Variants in ZMYM6 observed in about 807,000 individuals in gnomAD.
The protein encoded by ZMYM6 is zinc finger MYM-type protein 6.
Under a neutral mutation model 134.0 loss-of-function variants are expected in ZMYM6, and 90 were observed. That is an observed-to-expected ratio of 0.67 (90% CI 0.57 to 0.80). The LOEUF (loss-of-function observed/expected upper bound fraction) is 0.80. ZMYM6 is among the 30% of genes least tolerant of loss of function. The probability of loss-of-function intolerance (pLI) is 0.00; values close to 1 mark genes in which losing one functional copy is unlikely to be tolerated. For missense variants in ZMYM6, 1,362 were observed against 1,533.9 expected, an observed-to-expected ratio of 0.89 and a Z score of 1.87; for synonymous variants, 481 against 524.1, an observed-to-expected ratio of 0.92 and a Z score of 1.12.
Position 35,031,896 on chromosome 1 carries a change from C to T in ZMYM6, c.-156G>A, listed in dbSNP as rs1641535189. On this transcript the variant is annotated 5_prime_UTR_variant, in exon 1 of 16. Transcript: ENST00000357182. Reference sequence around the variant, plus strand: ...ATCTAGACAGGGATTATTTTCTCTTCTGGAATTCCGCCTGATCCATCCCAA... The same window carrying T: ...ATCTAGACAGGGATTATTTTCTCTTTTGGAATTCCGCCTGATCCATCCCAA... The T allele has an allele frequency of 6.6e-6, 1 of 152,348 alleles. No individual in the cohort carries two copies. Among genetic ancestry groups the T allele is most frequent in the East Asian group, 1.9e-4 (1 of 5,204 alleles). The allele number at this position is 152,348 out of a possible 1,614,324, so 9.4% of individuals were successfully genotyped here. A position where few individuals can be genotyped will look rare whatever the true frequency, so the allele number is the denominator to read the frequency against.
At chr1:35,030,758 T>A (rs1641506084) in intron 1 of ZMYM6, 45 bp from the exon 2 acceptor site, 1 of 1,040,470 alleles carries the variant, frequency 9.6e-7, no homozygotes, top group Non-Finnish European at 1.4e-6. Flanking sequence ...CAGGCTTATC[T>A]ATATGAAAGA....
At chr1:35,005,009 G>C in intron 13 of ZMYM6, 123 bp downstream of exon 13, 1 of 1,149,254 alleles carries the variant, frequency 8.7e-7, no homozygotes, top group East Asian at 2.6e-5. Flanking sequence ...AGTGAGTTGA[G>C]ATCACGCCAT....
At chr1:35,020,775 A>C (rs1641295701) in intron 2 of ZMYM6, among the ~76,000 whole-genome samples, 1 of 151,796 alleles carries the variant, frequency 6.6e-6, no homozygotes, top group Non-Finnish European at 1.5e-5. Context: ...GTTTCACCAC[A>C]TTGGCCAGGC....
chr1:35,011,010 T>C lies in ZMYM6; in HGVS notation c.1089A>G (p.Thr363=), dbSNP rs1641075247. The C allele has an allele frequency of 6.2e-7, 1 of 1,613,794 alleles. No homozygotes were observed. Among genetic ancestry groups the C allele is most frequent in the East Asian group, 2.2e-5 (1 of 44,868 alleles). Residue 363 remains threonine, a synonymous_variant, in exon 9 of 16, where the codon ACA becomes ACG. Coordinates refer to ENST00000357182, the MANE Select transcript of ZMYM6 (RefSeq NM_007167.4). ...FQNVFSKPKG[T]NSSAVPLSQG... ...GAGACAGGGGCACCGCCGAAGAGTT[T>C]GTTCCTTTTGGCTTGCTAAATACAT...
Position 34,988,477 on chromosome 1 carries a change from C to T in ZMYM6, c.2605G>A (p.Ala869Thr). ...GGAATAGTTTTCATTTTGTCTCCAG[C>T]ACTTGAACCCAAAACTTCTGAACAC... is the stretch of plus-strand genomic sequence containing the variant. The part of the protein sequence containing the change: ...EMCSEVLGSS[A>T]GDKMKTIPLS... Residue 869 changes from alanine (A) to threonine (T), a missense_variant, in exon 16 of 16, where the codon GCT (alanine) becomes ACT (threonine). Ala to Thr is a moderately conservative substitution (Grantham distance 58). Coordinates refer to ENST00000357182, the MANE Select transcript of ZMYM6 (RefSeq NM_007167.4). The T allele has an allele frequency of 1.3e-6, 2 of 1,551,100 alleles. No individual in the cohort carries two copies. The highest frequency in any genetic ancestry group is 2.4e-5 in the East Asian group (1 of 40,896).
rs367908302 is a variant in ZMYM6 at position 35,010,813 on chromosome 1, T to C, written c.1286A>G (p.Lys429Arg). Residue 429 changes from lysine (K) to arginine (R), a missense_variant, in exon 9 of 16, where the codon AAG (lysine) becomes AGG (arginine). Around this residue, in one of 3 missense-constraint regions of ZMYM6, gnomAD observed 503 missense variants for 520.8 expected, o/e 0.97. Coordinates refer to ENST00000357182, the MANE Select transcript of ZMYM6 (RefSeq NM_007167.4). ...AAATAGATGGTTACAGTGCTGACAC[T>C]TGAGTTTAACAACTGTATGGGTTAA... The part of the protein sequence containing the change: ...VALTHTVVKL[K>R]CQHCNHLFAT... 7.3e-5 allele frequency: 117 copies of C among 1,603,886 alleles called. No homozygotes were observed. Among genetic ancestry groups the C allele is most frequent in the Admixed American group, 6.3e-4 (36 of 57,136 alleles).
At chr1:35,025,832 C>G (rs1026307392) in intron 2 of ZMYM6, among the ~76,000 whole-genome samples, 4 of 152,126 alleles carry the variant, frequency 2.6e-5, no homozygotes, top group African/African-American at 9.7e-5. Context: ...GGGTTACTAT[C>G]TAGGACTCAG....
At chr1:34,990,297 T>C in intron 15 of ZMYM6, 1 of 276,404 alleles carries the variant, frequency 3.6e-6, no homozygotes, top group Non-Finnish European at 8.4e-6. Context: ...TTGCCAACAC[T>C]GTGAAATCCC....
At position 35,012,565 on chromosome 1, in the gene ZMYM6, G is replaced by A. The variant is rs773956336; in HGVS notation, c.812C>T (p.Pro271Leu). Residue 271 changes from proline (P) to leucine (L), a missense_variant, in exon 7 of 16, where the codon CCT becomes CTT. Coordinates refer to ENST00000357182, the MANE Select transcript of ZMYM6 (RefSeq NM_007167.4). ...TAYKQNSAQIPPYALGKSLRP... is the reference protein window; with the variant it reads ...TAYKQNSAQILPYALGKSLRP... The stretch of plus-strand genomic sequence containing the variant: ...CAATGACTTCCCCAGGGCATATGGA[G>A]GAATTTGGGCAGAATTCTATTAAAA... The A allele has an allele frequency of 5.0e-6, 8 of 1,613,468 alleles. No homozygotes were observed. In the East Asian group the frequency reaches 1.8e-4, roughly 36 times the overall value.
At chr1:35,005,087 A>T in intron 13 of ZMYM6, 45 bp downstream of exon 13, 3 of 1,608,832 alleles carry the variant, frequency 1.9e-6, no homozygotes, top group Non-Finnish European at 2.5e-6. Flanking sequence ...GCTAGACAAC[A>T]CTCACTTCTA....
At position 35,007,831 on chromosome 1, in the gene ZMYM6, G is replaced by C. The variant is rs543683995; in HGVS notation, c.1666-733C>G. Among the ~76,000 whole-genome samples the C allele has an allele frequency of 2.0e-5, 3 of 151,706 alleles. No individual in the cohort carries two copies. The East Asian group carries it at 5.8e-4, about 29-fold the overall frequency. ...ATTCTGTCTGGCTGGGGGATGGGGG[G>C]TGGGCAGGTGGGATGGGGGAAGAAA... is the stretch of plus-strand genomic sequence containing the variant. On this transcript the variant is annotated intron_variant, in intron 11 of 15. Coordinates refer to ENST00000357182, the MANE Select transcript of ZMYM6 (RefSeq NM_007167.4).
At chr1:35,014,076 G>A (rs1641139749) in intron 6 of ZMYM6, among the ~76,000 whole-genome samples, 1 of 152,158 alleles carries the variant, frequency 6.6e-6, no homozygotes, top group Non-Finnish European at 1.5e-5. Context: ...TTAGTAACCG[G>A]CTTAATCCAT....
At chr1:35,009,552 C>T (rs970609054) in intron 10 of ZMYM6, among the ~76,000 whole-genome samples, 1 of 152,222 alleles carries the variant, frequency 6.6e-6, no homozygotes, top group Non-Finnish European at 1.5e-5. Flanking sequence ...GATGTCATAG[C>T]TAAACTTATG....
intron 13 of ZMYM6, 125 bp downstream of exon 13, chr1:35,005,007 G>A: frequency 2.7e-6 from 3 of 1,113,434 alleles, no homozygotes; most frequent in Non-Finnish European, 2.5e-6. Context: ...GCAGTGAGTT[G>A]AGATCACGCC....
In ZMYM6 at chr1:35,014,396, A is replaced by G. The variant is rs1040182459; in HGVS notation, c.795+301T>C. Among the ~76,000 whole-genome samples the G allele has an allele frequency of 3.3e-5, 5 of 152,334 alleles. No individual in the cohort carries two copies. The South Asian group carries it at 8.3e-4, about 25-fold the overall frequency. ...GGCGAGTGGATGGCTTGAGCTCAGG[A>G]GTTCAACACCGGCCTGAGCAACATG... On this transcript the variant is annotated intron_variant, in intron 6 of 15. Transcript: ENST00000357182.
chr1:34,992,864 ATATT>A (rs1640708841), intron 14 of ZMYM6, among the ~76,000 whole-genome samples: 1 of 146,640 alleles, frequency 6.8e-6, no homozygotes, highest in African/African-American at 2.5e-5. Flanking sequence ...ATATAAAAAT[ATATT>A]TATAAACTAT....
intron 15 of ZMYM6, 30 bp from the exon 16 acceptor site, chr1:34,988,965 T>G (rs1298030020): frequency 1.9e-6 from 3 of 1,589,930 alleles, no homozygotes; most frequent in Non-Finnish European, 2.6e-6. Flanking sequence ...CACTGTTATT[T>G]TCAAGAACAA....
intron 2 of ZMYM6, 47 bp from the exon 3 acceptor site, chr1:35,020,514 T>C (rs777522594): frequency 1.4e-5 from 20 of 1,421,526 alleles, no homozygotes; most frequent in Admixed American, 2.2e-5. Context: ...ATACAATGTA[T>C]GTAAGTAAAC....
Position 35,020,485 on chromosome 1 carries a change from AAAGAG to A in ZMYM6, c.94-23_94-19del, listed in dbSNP as rs753237749. 75 of 1,566,270 alleles carry A rather than the reference AAAGAG, an allele frequency of 4.8e-5. No individual in the cohort carries two copies. The highest frequency in any genetic ancestry group is 5.9e-5 in the Non-Finnish European group (69 of 1,161,370). On this transcript the variant is annotated intron_variant, in intron 2 of 15. Coordinates refer to ENST00000357182, the MANE Select transcript of ZMYM6 (RefSeq NM_007167.4). ...CCATACTCCTTTAAAAAAAAAAAGA[AAAGAG>A]AAAAGAGCAATGAATACAATGTATG...
Sources: allele counts gnomAD v4.1 joint callset (sites outside exome capture counted in the v4.1 genomes callset), GRCh38; gene constraint gnomAD v4.1.1; regional missense constraint gnomAD v4.1.1; transcripts MANE v1.5; gene names NCBI Gene and HGNC (gene_info 2026-07-23, HGNC 2026-07-21).